The following NUMB variants were observed in gnomAD, a reference collection of about 807,000 sequenced individuals.
The protein encoded by NUMB is protein numb homolog.
In NUMB, 29 loss-of-function variants were observed where a neutral mutation model predicts 59.7. The ratio of observed to expected loss-of-function variants is 0.49; its 90% CI spans 0.36 to 0.66. The LOEUF (loss-of-function observed/expected upper bound fraction) is 0.66. NUMB is among the 30% of genes least tolerant of loss of function. NUMB has a pLI of 0.00. For synonymous variants in NUMB, 288 were observed against 288.2 expected, an observed-to-expected ratio of 1.00 and a Z score of 0.01; for missense variants, 723 against 822.0, an observed-to-expected ratio of 0.88 and a Z score of 1.47.
intron 2 of NUMB, among the ~76,000 whole-genome samples, chr14:73,390,638 C>CTTTTTGTTTT (rs1895796859): frequency 2.5e-5 from 1 of 39,384 alleles, no homozygotes; most frequent in Non-Finnish European, 4.7e-5. Context: ...AAAACAAAGT[C>CTTTTTGTTTT]TTTTTTTTTT....
chr14:73,430,214 G>C (rs1431915022), intron 1 of NUMB, among the ~76,000 whole-genome samples: 1 of 151,898 alleles, frequency 6.6e-6, no homozygotes, highest in Non-Finnish European at 1.5e-5. Context: ...GTGTGACTGT[G>C]TTTTCATTTT....
chr14:73,410,041 C>A lies in NUMB; in HGVS notation c.-205G>T, dbSNP rs189162802. On this transcript the variant is annotated 5_prime_UTR_variant, in exon 2 of 13. Coordinates refer to ENST00000555238, the MANE Select transcript of NUMB (RefSeq NM_001005743.2). The stretch of plus-strand genomic sequence containing the variant: ...AACAGTGGCTGCACTGGCACTCTTC[C>A]CCGGAAGAAGTTGCTTAAGCCTCAA... The A allele has an allele frequency of 6.6e-6, 1 of 152,268 alleles. No individual in the cohort carries two copies. Among genetic ancestry groups the A allele is most frequent in the East Asian group, 1.9e-4 (1 of 5,192 alleles). 9.4% of individuals were successfully genotyped at this position (152,268 alleles called of 1,614,324 possible).
chr14:73,414,728 G>T (rs533216810), intron 1 of NUMB, among the ~76,000 whole-genome samples: 13 of 151,908 alleles, frequency 8.6e-5, no homozygotes, highest in Non-Finnish European at 4.4e-5. Context: ...GTGCGGGGGG[G>T]GCGGGTTTTG....
intron 4 of NUMB, among the ~76,000 whole-genome samples, chr14:73,340,500 T>G (rs998893496): frequency 6.6e-6 from 1 of 152,230 alleles, no homozygotes; most frequent in Non-Finnish European, 1.5e-5. Flanking sequence ...CATATTTACT[T>G]ATTCATAGTC....
At chr14:73,451,167 A>C (rs140115786) in intron 1 of NUMB, among the ~76,000 whole-genome samples, 31,576 of 139,278 alleles carry the variant, frequency 0.23, 5,047 homozygotes, top group East Asian at 0.68. Flanking sequence ...AAAAAAAAAA[A>C]AAAAAAACAA....
chr14:73,285,442 G>C (rs1888923620), intron 9 of NUMB: 1 of 151,978 alleles, frequency 6.6e-6, no homozygotes, highest in Non-Finnish European at 1.5e-5. Flanking sequence ...AGTAATACAG[G>C]TTAAATTTTC....
At chr14:73,376,293 C>A (rs906195022) in intron 2 of NUMB, among the ~76,000 whole-genome samples, 28 of 152,112 alleles carry the variant, frequency 1.8e-4, no homozygotes, top group African/African-American at 6.7e-4. Flanking sequence ...AAACATAATA[C>A]CATTTTCATT....
intron 6 of NUMB, among the ~76,000 whole-genome samples, chr14:73,309,456 CA>C: frequency 6.6e-6 from 1 of 152,046 alleles, no homozygotes; most frequent in East Asian, 1.9e-4. Flanking sequence ...TCATTCTCAG[CA>C]AACTAACACA....
intron 1 of NUMB, among the ~76,000 whole-genome samples, chr14:73,445,213 A>G (rs964082425): frequency 8.6e-5 from 13 of 151,808 alleles, no homozygotes; most frequent in African/African-American, 3.1e-4. Context: ...AATTAGGTGG[A>G]CATGATGGCA....
At chr14:73,398,607 A>T (rs967127423) in intron 2 of NUMB, among the ~76,000 whole-genome samples, 2 of 151,964 alleles carry the variant, frequency 1.3e-5, no homozygotes, top group African/African-American at 4.8e-5. Context: ...GTCACCAAGC[A>T]GGGGAAACCC....
chr14:73,327,067 C>A (rs1219513834), intron 4 of NUMB, among the ~76,000 whole-genome samples: 2 of 152,018 alleles, frequency 1.3e-5, no homozygotes, highest in Admixed American at 6.6e-5. Context: ...AAAACAGGTT[C>A]TTTCCACATT....
intron 10 of NUMB, among the ~76,000 whole-genome samples, chr14:73,283,172 T>C (rs963888074): frequency 6.6e-6 from 1 of 152,234 alleles, no homozygotes; most frequent in Non-Finnish European, 1.5e-5. Flanking sequence ...TTTGCTCATC[T>C]GTAAAGAGAA....
intron 2 of NUMB, among the ~76,000 whole-genome samples, chr14:73,395,037 TTGTGTGTGTGTGTGTG>T (rs3028731): frequency 0.038 from 4,609 of 119,922 alleles, 252 homozygotes; most frequent in African/African-American, 0.13. Flanking sequence ...ATTCGTGTGT[TTGTGTGTGTGTGTGTG>T]TGTGTGTGTG....
intron 8 of NUMB, among the ~76,000 whole-genome samples, chr14:73,287,673 C>T (rs1323266523): frequency 1.3e-5 from 2 of 152,122 alleles, no homozygotes; most frequent in Non-Finnish European, 1.5e-5. Context: ...CCACCACACT[C>T]GGCCCAAATG....
intron 1 of NUMB, among the ~76,000 whole-genome samples, chr14:73,415,508 CTTTTT>C (rs9323585): frequency 2.2e-5 from 3 of 135,320 alleles, no homozygotes; most frequent in Non-Finnish European, 1.6e-5. Flanking sequence ...TTTTTCTTTT[CTTTTT>C]TTTTTTTTTT....
intron 1 of NUMB, among the ~76,000 whole-genome samples, chr14:73,429,918 C>A (rs905581013): frequency 6.6e-6 from 1 of 151,394 alleles, no homozygotes; most frequent in Non-Finnish European, 1.5e-5. Flanking sequence ...GCACTCCAGC[C>A]TGGGCCATAA....
chr14:73,431,900 G>A (rs1017262552), intron 1 of NUMB, among the ~76,000 whole-genome samples: 15 of 151,804 alleles, frequency 9.9e-5, no homozygotes, highest in African/African-American at 1.9e-4. Context: ...TAAGGGGAAG[G>A]GGCAGAGAGT....
chr14:73,352,529 T>TG lies in NUMB; in HGVS notation c.126+3096dup, dbSNP rs561647901. Among the ~76,000 whole-genome samples, 51 of 21,774 alleles carry TG rather than the reference T, an allele frequency of 2.3e-3. 3 individuals carry two copies. Among genetic ancestry groups the TG allele is most frequent in the East Asian group, 0.022 (7 of 324 alleles). The allele number at this position is 21,774 out of a possible 152,430, so 14.3% of individuals were successfully genotyped here. ...ATATATATATATATATATATATATA[T>TG]GTTTTTTTTTTTTTTTTTTTTTTGA... On this transcript the variant is annotated intron_variant, in intron 4 of 12. Transcript: ENST00000555238.
At chr14:73,391,199 G>T (rs56324454) in intron 2 of NUMB, among the ~76,000 whole-genome samples, 23,748 of 151,596 alleles carry the variant, frequency 0.16, 2,686 homozygotes, top group Non-Finnish European at 0.23. Context: ...ACTGTATAAG[G>T]AATTAAACCA....
Sources: allele counts gnomAD v4.1 joint callset (sites outside exome capture counted in the v4.1 genomes callset), GRCh38; gene constraint gnomAD v4.1.1; transcripts MANE v1.5; gene names NCBI Gene and HGNC (gene_info 2026-07-23, HGNC 2026-07-21).